LRRC1: variants seen among roughly 807,000 people sequenced by gnomAD.
LRRC1 encodes the protein leucine-rich repeat-containing protein 1.
LRRC1 carries 28 observed loss-of-function variants against 69.9 expected under a neutral mutation model. The ratio of observed to expected loss-of-function variants is 0.40; its 90% CI spans 0.30 to 0.55. The LOEUF (loss-of-function observed/expected upper bound fraction) is 0.55. Ranked by LOEUF, LRRC1 falls within the 20% of genes least tolerant of loss-of-function variation. The pLI is 0.47. For missense variants in LRRC1, 498 were observed against 609.0 expected, an observed-to-expected ratio of 0.82 and a Z score of 1.92; for synonymous variants, 236 against 240.2, an observed-to-expected ratio of 0.98 and a Z score of 0.16.
chr6:53,913,753 TTA>T, intron 10 of LRRC1, 99 bp from the exon 11 acceptor site: 1 of 641,674 alleles, frequency 1.6e-6, no homozygotes, highest in Non-Finnish European at 2.7e-6. Context: ...TGGTATAAGT[TTA>T]TGCATCCTTT....
intron 2 of LRRC1, among the ~76,000 whole-genome samples, chr6:53,863,721 C>T (rs1361330632): frequency 6.6e-6 from 1 of 152,120 alleles, no homozygotes; most frequent in Non-Finnish European, 1.5e-5. Context: ...ACCCCATGTT[C>T]TCAGATGTGG....
At chr6:53,796,747 A>T (rs1764315243) in intron 1 of LRRC1, among the ~76,000 whole-genome samples, 1 of 152,132 alleles carries the variant, frequency 6.6e-6, no homozygotes, top group African/African-American at 2.4e-5. Context: ...AAAGCCCCCC[A>T]GGCTTTATTT....
chr6:53,881,715 C>A (rs1316768606), intron 3 of LRRC1, among the ~76,000 whole-genome samples: 1 of 152,100 alleles, frequency 6.6e-6, no homozygotes, highest in South Asian at 2.1e-4. Context: ...AATCTAGAGA[C>A]CATCACTAAA....
intron 10 of LRRC1, among the ~76,000 whole-genome samples, chr6:53,910,973 C>T (rs977391511): frequency 6.6e-6 from 1 of 152,256 alleles, no homozygotes; most frequent in East Asian, 1.9e-4. Flanking sequence ...GCTGGGACAG[C>T]ATGTGCCTTT....
At chr6:53,914,206 G>A (rs1204905310) in intron 11 of LRRC1, among the ~76,000 whole-genome samples, 4 of 152,084 alleles carry the variant, frequency 2.6e-5, no homozygotes, top group Non-Finnish European at 5.9e-5. Context: ...GGACACTTTC[G>A]TAGAAATGCT....
intron 1 of LRRC1, among the ~76,000 whole-genome samples, chr6:53,828,283 GT>G (rs952516766): frequency 6.6e-6 from 1 of 152,172 alleles, no homozygotes; most frequent in African/African-American, 2.4e-5. Context: ...ATCTAGTTGA[GT>G]TCATTTGCCA....
intron 1 of LRRC1, among the ~76,000 whole-genome samples, chr6:53,799,023 A>G (rs896640380): frequency 1.3e-5 from 2 of 152,170 alleles, no homozygotes; most frequent in Admixed American, 6.5e-5. Context: ...GATACCTTCA[A>G]ATGCGTGTGT....
intron 7 of LRRC1, 61 bp downstream of exon 7, chr6:53,897,420 A>G (rs1345511851): frequency 8.4e-7 from 1 of 1,183,690 alleles, no homozygotes; most frequent in African/African-American, 1.5e-5. Context: ...AGCTTTGTGT[A>G]TTTCCTGCTG....
At chr6:53,910,665 A>G (rs1442391776) in intron 10 of LRRC1, among the ~76,000 whole-genome samples, 2 of 152,224 alleles carry the variant, frequency 1.3e-5, no homozygotes, top group African/African-American at 4.8e-5. Flanking sequence ...GCCAGTTTCT[A>G]TGATAGGCGC....
chr6:53,829,090 G>T (rs1281449580), intron 1 of LRRC1, among the ~76,000 whole-genome samples: 1 of 152,226 alleles, frequency 6.6e-6, no homozygotes, highest in Admixed American at 6.5e-5. Context: ...CCAGTAAACT[G>T]TTGGGGAGTT....
Position 53,922,994 on chromosome 6 carries a change from G to A in LRRC1, c.*201G>A, listed in dbSNP as rs1768785591. The A allele has an allele frequency of 2.2e-6, 1 of 449,878 alleles. No individual in the cohort carries two copies. Among genetic ancestry groups the A allele is most frequent in the African/African-American group, 2.0e-5 (1 of 49,526 alleles). 27.9% of individuals were successfully genotyped at this position (449,878 alleles called of 1,614,324 possible). A position where few individuals can be genotyped will look rare whatever the true frequency, so the allele number is the denominator to read the frequency against. ...CAGCGCACCAGTGGTCTCCCGGTGT[G>A]ATTTTTTTTTTTTTTAATTTCAGTT... On this transcript the variant is annotated 3_prime_UTR_variant, in exon 14 of 14. Transcript: ENST00000370888.
At chr6:53,910,205 C>A (rs115858254) in intron 10 of LRRC1, among the ~76,000 whole-genome samples, 15 of 152,192 alleles carry the variant, frequency 9.9e-5, no homozygotes, top group African/African-American at 3.6e-4. Flanking sequence ...CTCAGAGAAT[C>A]CAAGTCCAAC....
chr6:53,916,489 A>G (rs1294320876), intron 11 of LRRC1, among the ~76,000 whole-genome samples: 1 of 152,174 alleles, frequency 6.6e-6, no homozygotes, highest in Non-Finnish European at 1.5e-5. Context: ...TGAACAGTAT[A>G]TAGAGCTCTC....
chr6:53,922,055 CCT>C (rs1419391434), intron 13 of LRRC1, among the ~76,000 whole-genome samples: 10 of 152,166 alleles, frequency 6.6e-5, no homozygotes, highest in Non-Finnish European at 1.5e-5. Context: ...TTACTCATAC[CCT>C]GTTACTTAAC....
At chr6:53,867,970 A>AT (rs1274503664) in intron 2 of LRRC1, among the ~76,000 whole-genome samples, 10 of 151,624 alleles carry the variant, frequency 6.6e-5, no homozygotes, top group East Asian at 1.9e-4. Flanking sequence ...AAAAAAAAAA[A>AT]ATTTTTTTGT....
intron 4 of LRRC1, among the ~76,000 whole-genome samples, chr6:53,888,408 A>G (rs1220271769): frequency 6.6e-6 from 1 of 152,212 alleles, no homozygotes; most frequent in Non-Finnish European, 1.5e-5. Context: ...GAAGAAATGT[A>G]GGACATGTAC....
chr6:53,835,437 A>G (rs1765586084), intron 1 of LRRC1, among the ~76,000 whole-genome samples: 1 of 152,210 alleles, frequency 6.6e-6, no homozygotes, highest in South Asian at 2.1e-4. Context: ...AAACAAGAGG[A>G]CCAGAGAAGT....
chr6:53,889,050 G>A (rs1395840618), intron 4 of LRRC1, among the ~76,000 whole-genome samples: 7 of 152,118 alleles, frequency 4.6e-5, no homozygotes, highest in Non-Finnish European at 8.8e-5. Context: ...TAAAGGATTC[G>A]AATAGGCATT....
chr6:53,806,448 A>G (rs946369327), intron 1 of LRRC1, among the ~76,000 whole-genome samples: 1 of 152,078 alleles, frequency 6.6e-6, no homozygotes, highest in African/African-American at 2.4e-5. Context: ...ACCATGATGG[A>G]GTGGAAACAG....
Sources: gnomAD v4.1 joint callset for allele counts (sites outside exome capture counted in the v4.1 genomes callset) on GRCh38, gnomAD v4.1.1 for gene constraint, MANE v1.5 for transcripts, NCBI Gene and HGNC (gene_info 2026-07-23, HGNC 2026-07-21) for gene names.